The following MECOM variants were observed in gnomAD, a reference collection of about 807,000 sequenced individuals.
The protein encoded by MECOM is MDS1 and EVI1 complex locus.
MECOM carries 13 observed loss-of-function variants against 116.3 expected under a neutral mutation model. That is an observed-to-expected ratio of 0.11 (90% CI 0.07 to 0.18). The LOEUF (loss-of-function observed/expected upper bound fraction) is 0.18, where lower values mean the gene tolerates loss of function less well. Among genes scored for constraint, MECOM ranks in the 10% least tolerant of loss-of-function variants. The pLI, the probability that MECOM is intolerant of heterozygous loss-of-function variation, is 1.00. For synonymous variants in MECOM, 528 were observed against 535.2 expected, an observed-to-expected ratio of 0.99 and a Z score of 0.19; for missense variants, 1,299 against 1,509.0, an observed-to-expected ratio of 0.86 and a Z score of 2.31.
intron 2 of MECOM, 78 bp from the exon 3 acceptor site, chr3:169,143,910 C>T: frequency 7.0e-7 from 1 of 1,428,960 alleles, no homozygotes; most frequent in African/African-American, 1.4e-5. Context: ...GAAAATATTT[C>T]ATTGAAATGT....
intron 1 of MECOM, among the ~76,000 whole-genome samples, chr3:169,591,087 T>C (rs182812966): frequency 5.9e-5 from 9 of 152,244 alleles, no homozygotes; most frequent in Admixed American, 5.2e-4. Context: ...GCCAACTTGA[T>C]CCTATGGAAA....
chr3:169,183,791 C>T (rs1196190081), intron 2 of MECOM, among the ~76,000 whole-genome samples: 1 of 83,336 alleles, frequency 1.2e-5, no homozygotes, highest in Admixed American at 1.4e-4. Context: ...CACACACACA[C>T]ACACACACAC....
intron 1 of MECOM, among the ~76,000 whole-genome samples, chr3:169,659,114 C>T (rs917340560): frequency 2.1e-5 from 3 of 145,362 alleles, no homozygotes; most frequent in African/African-American, 7.8e-5. Flanking sequence ...AAGAAAGAAA[C>T]CAAAATTCGT....
intron 1 of MECOM, among the ~76,000 whole-genome samples, chr3:169,479,518 A>G (rs1250084691): frequency 1.3e-5 from 2 of 152,096 alleles, no homozygotes; most frequent in African/African-American, 2.4e-5. Context: ...GCTCTTCTAA[A>G]GATTACGGCC....
At chr3:169,560,913 T>G (rs1291487928) in intron 1 of MECOM, among the ~76,000 whole-genome samples, 1 of 151,934 alleles carries the variant, frequency 6.6e-6, no homozygotes, top group Non-Finnish European at 1.5e-5. Context: ...TTTTTATAAC[T>G]AAAAAGAGGT....
At chr3:169,580,707 T>C (rs1005357232) in intron 1 of MECOM, among the ~76,000 whole-genome samples, 2 of 152,206 alleles carry the variant, frequency 1.3e-5, no homozygotes, top group Non-Finnish European at 2.9e-5. Context: ...AGAAAAGTCA[T>C]AGACATTACC....
intron 7 of MECOM, 79 bp from the exon 8 acceptor site, chr3:169,116,818 C>T: frequency 6.7e-7 from 1 of 1,488,260 alleles, no homozygotes; most frequent in South Asian, 1.4e-5. Context: ...AATTGGTTTA[C>T]TCAAAATTTC....
intron 1 of MECOM, among the ~76,000 whole-genome samples, chr3:169,482,395 A>G (rs1450846740): frequency 7.0e-6 from 1 of 143,396 alleles, no homozygotes; most frequent in African/African-American, 2.6e-5. Context: ...GCAGCGGTGC[A>G]ATCCGGGCTC....
chr3:169,631,918 C>G (rs1324599288), intron 1 of MECOM, among the ~76,000 whole-genome samples: 1 of 152,102 alleles, frequency 6.6e-6, no homozygotes, highest in Non-Finnish European at 1.5e-5. Flanking sequence ...CATGGAACTA[C>G]AAGGCTGAGT....
chr3:169,617,443 A>T (rs2109865098), intron 1 of MECOM, among the ~76,000 whole-genome samples: 1 of 152,330 alleles, frequency 6.6e-6, no homozygotes, highest in Non-Finnish European at 1.5e-5. Flanking sequence ...CTGCATTTTT[A>T]ACAGGCTCCC....
At chr3:169,298,386 T>C (rs892874126) in intron 2 of MECOM, among the ~76,000 whole-genome samples, 1 of 151,930 alleles carries the variant, frequency 6.6e-6, no homozygotes, top group East Asian at 1.9e-4. Context: ...TTAAATGTTA[T>C]CAATATGAAG....
rs1300981990 is a variant in MECOM at position 169,472,680 on chromosome 3, G to GAGGAA, written c.38-91161_38-91157dup. ...AAAGAAAGGAAAGGAAAGGAGAGGA[G>GAGGAA]AGGAAAGGAAAGGGAAGGGAAGGAA... On this transcript the variant is annotated intron_variant, in intron 1 of 16. Transcript: ENST00000651503. Among the ~76,000 whole-genome samples the GAGGAA allele has an allele frequency of 8.2e-3, 569 of 69,742 alleles. 17 individuals carry two copies. Among genetic ancestry groups the GAGGAA allele is most frequent in the African/African-American group, 0.028 (520 of 18,900 alleles). The allele number at this position is 69,742 out of a possible 152,430, so 45.8% of individuals were successfully genotyped here. A position where few individuals can be genotyped will look rare whatever the true frequency, so the allele number is the denominator to read the frequency against.
intron 2 of MECOM, among the ~76,000 whole-genome samples, chr3:169,335,445 T>G (rs1723440445): frequency 1.3e-5 from 2 of 152,134 alleles, no homozygotes; most frequent in African/African-American, 4.8e-5. Flanking sequence ...TGGCTCTCCT[T>G]CAGCATGTCA....
intron 1 of MECOM, among the ~76,000 whole-genome samples, chr3:169,402,051 C>G (rs1394474052): frequency 6.6e-6 from 1 of 151,996 alleles, no homozygotes; most frequent in Non-Finnish European, 1.5e-5. Flanking sequence ...TAGTCCATGA[C>G]AGAAATCATG....
At chr3:169,453,737 G>A (rs1384588831) in intron 1 of MECOM, among the ~76,000 whole-genome samples, 1 of 152,122 alleles carries the variant, frequency 6.6e-6, no homozygotes, top group Non-Finnish European at 1.5e-5. Context: ...CAACCTGTTT[G>A]ACAGCTGCTC....
At chr3:169,349,393 T>C (rs527446119) in intron 2 of MECOM, among the ~76,000 whole-genome samples, 4 of 151,994 alleles carry the variant, frequency 2.6e-5, no homozygotes, top group South Asian at 2.1e-4. Context: ...TCCAGGAACA[T>C]TGGGCCACTT....
At chr3:169,632,432 A>G (rs1262271018) in intron 1 of MECOM, among the ~76,000 whole-genome samples, 3 of 152,206 alleles carry the variant, frequency 2.0e-5, no homozygotes, top group Non-Finnish European at 4.4e-5. Flanking sequence ...TACAGACAGA[A>G]TGACTCAAAC....
chr3:169,472,268 A>G (rs1295887686), intron 1 of MECOM, among the ~76,000 whole-genome samples: 1 of 150,014 alleles, frequency 6.7e-6, no homozygotes, highest in Non-Finnish European at 1.5e-5. Flanking sequence ...TGCCTATAAT[A>G]TTGTGTAAAA....
intron 16 of MECOM, among the ~76,000 whole-genome samples, chr3:169,085,984 C>T (rs1362436313): frequency 6.6e-6 from 1 of 152,194 alleles, no homozygotes; most frequent in Admixed American, 6.5e-5. Context: ...CTGCCAAAGA[C>T]ATTCCACTGT....
Sources: gnomAD v4.1 joint callset for allele counts (sites outside exome capture counted in the v4.1 genomes callset) on GRCh38, gnomAD v4.1.1 for gene constraint, MANE v1.5 for transcripts, NCBI Gene and HGNC (gene_info 2026-07-23, HGNC 2026-07-21) for gene names.